Variants in CERS6 observed in about 807,000 individuals in gnomAD.
CERS6 encodes ceramide synthase 6, also known as LAG1 homolog, ceramide synthase 6.
Under a neutral mutation model 56.8 loss-of-function variants are expected in CERS6, and 26 were observed. The observed-to-expected ratio is 0.46, with a 90% CI of 0.34 to 0.63. CERS6 has a LOEUF of 0.63. CERS6 is among the 30% of genes least tolerant of loss of function. CERS6 has a pLI of 0.01. For missense variants in CERS6, 415 were observed against 467.5 expected, an observed-to-expected ratio of 0.89 and a Z score of 1.04; for synonymous variants, 164 against 173.3, an observed-to-expected ratio of 0.95 and a Z score of 0.42.
chr2:168,624,904 T>G (rs1294504257), intron 3 of CERS6, among the ~76,000 whole-genome samples: 1 of 152,198 alleles, frequency 6.6e-6, no homozygotes, highest in Non-Finnish European at 1.5e-5. Flanking sequence ...GGTAAAGTGA[T>G]TTATGTATTT....
At chr2:168,561,871 A>G (rs1695796375) in intron 3 of CERS6, among the ~76,000 whole-genome samples, 1 of 152,208 alleles carries the variant, frequency 6.6e-6, no homozygotes, top group South Asian at 2.1e-4. Context: ...TAAATTATAT[A>G]TCAATAAGGC....
chr2:168,642,815 G>A (rs1685080134), intron 4 of CERS6, among the ~76,000 whole-genome samples: 1 of 152,172 alleles, frequency 6.6e-6, no homozygotes, highest in Non-Finnish European at 1.5e-5. Context: ...CATACTAGAG[G>A]ACACTTAGTG....
rs1039311830 is a variant in CERS6, at chr2:168,649,631, G to C, written c.465+18589G>C. Among the ~76,000 whole-genome samples the C allele has an allele frequency of 3.3e-5, 5 of 152,078 alleles. No individual in the cohort carries two copies. The South Asian group carries it at 1.0e-3, about 32-fold the overall frequency. On this transcript the variant is annotated intron_variant, in intron 4 of 9. Transcript: ENST00000305747. The stretch of plus-strand genomic sequence containing the variant: ...TTTCACTTTGTTATGGGAAAGGTTT[G>C]CTTTATCCCCCCGTAGCAGCTCTGT...
At chr2:168,471,197 ACT>A (rs993171983) in intron 1 of CERS6, among the ~76,000 whole-genome samples, 6 of 151,876 alleles carry the variant, frequency 4.0e-5, no homozygotes, top group Non-Finnish European at 5.9e-5. Flanking sequence ...GCCAGAACCT[ACT>A]CTGTCTTAAA....
chr2:168,767,023 C>G (rs905884612), intron 9 of CERS6, among the ~76,000 whole-genome samples: 15 of 152,210 alleles, frequency 9.9e-5, no homozygotes, highest in Admixed American at 9.8e-4. Flanking sequence ...CATTTGGATA[C>G]AAATTTAATC....
rs541494020 is a variant in CERS6, at chr2:168,482,780, G to C, written c.170+26162G>C. 2.9e-4 allele frequency among the ~76,000 whole-genome samples: 44 copies of C among 152,324 alleles called. No homozygotes were observed. The East Asian group carries it at 5.6e-3, about 19-fold the overall frequency. On this transcript the variant is annotated intron_variant, in intron 1 of 9. Coordinates refer to ENST00000305747, the MANE Select transcript of CERS6 (RefSeq NM_203463.3). Reference sequence around the variant, plus strand: ...TGAATTTCTAGAAGCTCTGCAGGATGAAGGCTGTGTACATTTGATAGAATT... The same window carrying C: ...TGAATTTCTAGAAGCTCTGCAGGATCAAGGCTGTGTACATTTGATAGAATT...
intron 4 of CERS6, among the ~76,000 whole-genome samples, chr2:168,650,020 A>T (rs1292908573): frequency 1.3e-5 from 2 of 152,178 alleles, no homozygotes; most frequent in African/African-American, 4.8e-5. Flanking sequence ...TTGAGAATTG[A>T]GACAAATTTA....
chr2:168,481,323 G>A (rs944195689), intron 1 of CERS6, among the ~76,000 whole-genome samples: 10 of 152,190 alleles, frequency 6.6e-5, no homozygotes, highest in African/African-American at 1.9e-4. Flanking sequence ...GCTGAGGCAG[G>A]AGAATGATGT....
At chr2:168,553,350 T>G (rs1695612225) in intron 2 of CERS6, among the ~76,000 whole-genome samples, 1 of 152,198 alleles carries the variant, frequency 6.6e-6, no homozygotes, top group Non-Finnish European at 1.5e-5. Context: ...AAATGGAGGT[T>G]TATTTTAATA....
chr2:168,766,055 A>G (rs1286303213), intron 9 of CERS6, among the ~76,000 whole-genome samples: 2 of 152,168 alleles, frequency 1.3e-5, no homozygotes, highest in Non-Finnish European at 2.9e-5. Context: ...ACAGAAATTT[A>G]ATCACTTCTT....
At chr2:168,714,329 A>G (rs1559063987) in intron 6 of CERS6, among the ~76,000 whole-genome samples, 2 of 152,118 alleles carry the variant, frequency 1.3e-5, no homozygotes, top group South Asian at 2.1e-4. Flanking sequence ...TGGCTTATCA[A>G]CCCTTCTGTA....
intron 4 of CERS6, among the ~76,000 whole-genome samples, chr2:168,659,510 A>G (rs1028123141): frequency 3.3e-5 from 5 of 152,186 alleles, no homozygotes; most frequent in Non-Finnish European, 5.9e-5. Flanking sequence ...TTAAATTTCT[A>G]CTTTAACTAG....
At chr2:168,580,755 T>C (rs556728135) in intron 3 of CERS6, among the ~76,000 whole-genome samples, 2 of 152,308 alleles carry the variant, frequency 1.3e-5, no homozygotes, top group South Asian at 4.1e-4. Context: ...TTCTTGAAGA[T>C]TTTTTCTCTG....
intron 2 of CERS6, among the ~76,000 whole-genome samples, chr2:168,551,597 G>A (rs1397332123): frequency 6.6e-6 from 1 of 152,086 alleles, no homozygotes; most frequent in African/African-American, 2.4e-5. Context: ...GCGTTCATGA[G>A]GGTTAAATAA....
chr2:168,614,476 A>G (rs908754587), intron 3 of CERS6, among the ~76,000 whole-genome samples: 4 of 152,172 alleles, frequency 2.6e-5, no homozygotes, highest in African/African-American at 4.8e-5. Context: ...GCCTGGGGCA[A>G]GTTCTCAGCC....
chr2:168,662,857 GT>G (rs1685666293), intron 4 of CERS6, among the ~76,000 whole-genome samples: 1 of 152,212 alleles, frequency 6.6e-6, no homozygotes, highest in African/African-American at 2.4e-5. Flanking sequence ...CAAACATCTT[GT>G]TGGCATATAG....
At chr2:168,754,415 A>G (rs1487421447) in intron 8 of CERS6, among the ~76,000 whole-genome samples, 1 of 152,222 alleles carries the variant, frequency 6.6e-6, no homozygotes, top group Non-Finnish European at 1.5e-5. Context: ...TAGTTAATAC[A>G]TTGCTTTAGG....
intron 4 of CERS6, among the ~76,000 whole-genome samples, chr2:168,686,831 G>A (rs1027594842): frequency 1.3e-5 from 2 of 152,060 alleles, no homozygotes; most frequent in African/African-American, 4.8e-5. Flanking sequence ...TACTTACCTT[G>A]ATGCATGTAT....
intron 4 of CERS6, among the ~76,000 whole-genome samples, chr2:168,658,285 C>G (rs1287226776): frequency 6.6e-6 from 1 of 152,108 alleles, no homozygotes; most frequent in East Asian, 1.9e-4. Context: ...TTTTAGGGTC[C>G]TTGACGAGAT....
Sources: allele counts gnomAD v4.1 joint callset (sites outside exome capture counted in the v4.1 genomes callset), GRCh38; gene constraint gnomAD v4.1.1; transcripts MANE v1.5; gene names NCBI Gene and HGNC (gene_info 2026-07-23, HGNC 2026-07-21).